The following MCF2 variants were observed in gnomAD, a reference collection of about 807,000 sequenced individuals.
The protein encoded by MCF2 is proto-oncogene DBL.
Under a neutral mutation model 82.5 loss-of-function variants are expected in MCF2, and 44 were observed. The observed-to-expected ratio is 0.53, with a 90% CI of 0.42 to 0.69. The LOEUF is 0.69. Among genes scored for constraint, MCF2 ranks in the 30% least tolerant of loss-of-function variants. MCF2 has a pLI of 0.00. For synonymous variants in MCF2, 217 were observed against 224.9 expected (o/e 0.96, Z 0.32); for missense variants, 623 against 663.1 (o/e 0.94, Z 0.66).
At chrX:139,619,822 A>C (rs1932202621) in intron 6 of MCF2, 116 bp from the exon 10 acceptor site, 1 of 520,139 alleles carries the variant, frequency 1.9e-6, no homozygotes, top group Non-Finnish European at 2.9e-6. Flanking sequence ...CACATATAAA[A>C]AATTTGGTTA....
chrX:139,668,065 C>A (rs779112001), intron 1 of MCF2, among the ~76,000 whole-genome samples: 11 of 111,935 alleles, frequency 9.8e-5, no homozygotes, highest in South Asian at 3.8e-4. Context: ...ACTCATGTCC[C>A]AGCTTAGTCC....
chrX:139,640,550 C>T (rs1387657775), intron 1 of MCF2, among the ~76,000 whole-genome samples: 1 of 111,323 alleles, frequency 9.0e-6, no homozygotes, highest in Non-Finnish European at 1.9e-5. Context: ...CACTCAGCTA[C>T]AGTCATTGAA....
chrX:139,681,876 A>C lies in MCF2; in HGVS notation c.-45+26230T>G, dbSNP rs188072957. Reference sequence around the variant, plus strand: ...AAACTATTAGCAGTGTTTACCACCAAGGAGCAGGACTGGGCTAGGCACATG... The same window carrying C: ...AAACTATTAGCAGTGTTTACCACCACGGAGCAGGACTGGGCTAGGCACATG... On this transcript the variant is annotated intron_variant, in intron 1 of 27. Transcript: ENST00000414978. Among the ~76,000 whole-genome samples the C allele has an allele frequency of 3.6e-5, 4 of 112,473 alleles. No homozygotes were observed. In the East Asian group the frequency reaches 1.1e-3, roughly 31 times the overall value.
chrX:139,702,412 T>C (rs1935516821), intron 1 of MCF2: 1 of 111,931 alleles, frequency 8.9e-6, no homozygotes, highest in African/African-American at 3.3e-5. Flanking sequence ...TTGTTCACTA[T>C]TGTGTCCCCA....
rs368129525 is a variant in MCF2 at position 139,605,951 on chromosome X, CTA to C, written c.1491-174_1491-173del. On this transcript the variant is annotated intron_variant, in intron 12 of 24. Transcript: ENST00000370576. Reference sequence around the variant, plus strand: ...ACTTTTATGGTTTCTAGAATAAAAACTATATATATATATAGTCTTATGGGTGG... The same window carrying C: ...ACTTTTATGGTTTCTAGAATAAAAACTATATATATATAGTCTTATGGGTGG... 2.5e-3 allele frequency among the ~76,000 whole-genome samples: 261 copies of C among 103,889 alleles called. 4 individuals carry two copies. In the South Asian group the frequency reaches 0.032, roughly 13 times the overall value. The allele number at this position is 103,889 out of a possible 115,157, so 90.2% of individuals were successfully genotyped here. A position where few individuals can be genotyped will look rare whatever the true frequency, so the allele number is the denominator to read the frequency against.
At chrX:139,605,821 AGATC>A in intron 12 of MCF2, 42 bp from the exon 17 acceptor site, 2 of 971,506 alleles carry the variant, frequency 2.1e-6, no homozygotes, top group Non-Finnish European at 2.9e-6. Context: ...TTTATTACTG[AGATC>A]TATATTGCAA....
At position 139,664,957 on chromosome X, in the gene MCF2, T is replaced by G. The variant is rs1171331151; in HGVS notation, c.-44-13169A>C. ...GTTCCCTTGTGGTCCAAGGTGTGTC[T>G]AGAAATGCCGTATGGGAGCTAGAGC... On this transcript the variant is annotated intron_variant, in intron 1 of 27. Transcript: ENST00000414978. 1.8e-5 allele frequency among the ~76,000 whole-genome samples: 2 copies of G among 111,371 alleles called. 1 individual carries two copies. The highest frequency in any genetic ancestry group is 3.8e-5 in the Non-Finnish European group (2 of 53,074).
At chrX:139,656,545 T>C (rs934535939) in intron 1 of MCF2, among the ~76,000 whole-genome samples, 2 of 112,175 alleles carry the variant, frequency 1.8e-5, no homozygotes, top group African/African-American at 6.5e-5. Context: ...ATTACTACTT[T>C]AATAAATGAT....
intron 1 of MCF2, among the ~76,000 whole-genome samples, chrX:139,671,407 G>C (rs1934686489): frequency 9.0e-6 from 1 of 111,608 alleles, no homozygotes; most frequent in Admixed American, 9.5e-5. Flanking sequence ...GTCCTGAATG[G>C]TATTGCCTAG....
At chrX:139,643,383 T>G (rs868120126), upstream of MCF2, among the ~76,000 whole-genome samples, 1 of 111,965 alleles carries the variant, frequency 8.9e-6, no homozygotes, top group Non-Finnish European at 1.9e-5. Flanking sequence ...TGCCAACTTT[T>G]GCACTTGAAA....
At chrX:139,649,110 G>T (rs1461054802) in intron 2 of MCF2, among the ~76,000 whole-genome samples, 1 of 112,347 alleles carries the variant, frequency 8.9e-6, no homozygotes, top group East Asian at 2.8e-4. Flanking sequence ...TTCTTCTCTA[G>T]TGCACATGGA....
intron 2 of MCF2, among the ~76,000 whole-genome samples, chrX:139,648,230 G>T (rs904171206): frequency 9.1e-6 from 1 of 109,452 alleles, no homozygotes; most frequent in African/African-American, 3.3e-5. Flanking sequence ...AAATTAGCCG[G>T]GTGTGGTGGT....
chrX:139,586,243 T>C (rs1407854913), intron 23 of MCF2, 135 bp downstream of exon 27: 2 of 471,111 alleles, frequency 4.2e-6, no homozygotes, highest in South Asian at 6.3e-5. Context: ...ATGCAAGACA[T>C]GAGAGCCTTA....
chrX:139,588,959 C>T lies in MCF2; in HGVS notation c.2371-521G>A, dbSNP rs763319354. ...AAAAAAAATCCATTTTGAAATTGCC[C>T]TTAAATAATGGTAAAATAATGCTTG... On this transcript the variant is annotated intron_variant, in intron 20 of 24. Transcript: ENST00000370576. Among the ~76,000 whole-genome samples, 9 of 110,583 alleles carry T rather than the reference C, an allele frequency of 8.1e-5. No homozygotes were observed. In the East Asian group the frequency reaches 2.6e-3, roughly 31 times the overall value.
chrX:139,614,024 T>G, intron 10 of MCF2, among the ~76,000 whole-genome samples: 1 of 110,629 alleles, frequency 9.0e-6, no homozygotes, highest in Middle Eastern at 4.7e-3. Flanking sequence ...TCTCCTACAC[T>G]AATGAAGCTT....
intron 13 of MCF2, 94 bp from the exon 18 acceptor site, chrX:139,605,078 A>G: frequency 2.9e-6 from 1 of 342,144 alleles, no homozygotes; most frequent in South Asian, 1.1e-4. Flanking sequence ...ATATTAAGGG[A>G]TTTGATGGTG....
chrX:139,608,461 A>G (rs1436899308), intron 11 of MCF2, among the ~76,000 whole-genome samples: 1 of 111,391 alleles, frequency 9.0e-6, no homozygotes, highest in Admixed American at 9.6e-5. Flanking sequence ...GGACTGGCCT[A>G]CCGAGTCAAC....
intron 12 of MCF2, chrX:139,607,411 T>A (rs1266937877): frequency 6.2e-6 from 1 of 161,794 alleles, no homozygotes; most frequent in Non-Finnish European, 1.2e-5. Flanking sequence ...CAATGAAAAA[T>A]AATAATAAAA....
At chrX:139,698,531 C>T (rs1209247951) in intron 1 of MCF2, among the ~76,000 whole-genome samples, 1 of 111,865 alleles carries the variant, frequency 8.9e-6, no homozygotes, top group East Asian at 2.8e-4. Flanking sequence ...CTGAAGACTG[C>T]CATCTGAAAA....
Sources: gnomAD v4.1 joint callset for allele counts (sites outside exome capture counted in the v4.1 genomes callset) on GRCh38, gnomAD v4.1.1 for gene constraint, MANE v1.5 for transcripts, NCBI Gene and HGNC (gene_info 2026-07-23, HGNC 2026-07-21) for gene names.